The following KLHL18 variants were observed in gnomAD, a reference collection of about 807,000 sequenced individuals.
The protein encoded by KLHL18 is kelch-like protein 18.
In KLHL18, 38 loss-of-function variants were observed where a neutral mutation model predicts 58.5. The ratio of observed to expected loss-of-function variants is 0.65; its 90% CI spans 0.50 to 0.85. The LOEUF is 0.85. Among genes scored for constraint, KLHL18 ranks in the 40% least tolerant of loss-of-function variants. KLHL18 has a pLI of 0.00. For missense variants in KLHL18, 624 were observed against 778.4 expected, an observed-to-expected ratio of 0.80 and a Z score of 2.36; for synonymous variants, 303 against 301.9, an observed-to-expected ratio of 1.00 and a Z score of -0.04.
At chr3:47,283,311 T>C (rs1368186304) in intron 1 of KLHL18, 4 of 585,008 alleles carry the variant, frequency 6.8e-6, no homozygotes, top group Non-Finnish European at 1.2e-5. Flanking sequence ...AAAGGAAAGG[T>C]TGAGAGGTGC....
rs371869161 is a variant in KLHL18 at position 47,329,203 on chromosome 3, G to GT, written c.402-740dup. ...TAAAGAAGCCATCTGTCCGTGTTGT[G>GT]TTTTTTTTGTTGTTGTTTTGTTTGT... On this transcript the variant is annotated intron_variant, in intron 3 of 9. Transcript: ENST00000232766. Among the ~76,000 whole-genome samples the GT allele has an allele frequency of 8.5e-4, 128 of 150,488 alleles. 1 individual carries two copies. Among genetic ancestry groups the GT allele is most frequent in the African/African-American group, 2.8e-3 (116 of 41,232 alleles).
intron 1 of KLHL18, among the ~76,000 whole-genome samples, chr3:47,316,315 T>C (rs1703420641): frequency 2.0e-5 from 3 of 151,642 alleles, no homozygotes; most frequent in South Asian, 4.2e-4. Flanking sequence ...CAAAATAGCA[T>C]TGGATTTCTC....
intron 3 of KLHL18, 36 bp downstream of exon 3, chr3:47,322,744 C>T: frequency 6.7e-7 from 1 of 1,486,520 alleles, no homozygotes; most frequent in South Asian, 1.4e-5. Context: ...GAGAACATGA[C>T]TATTTCATTT....
intron 1 of KLHL18, among the ~76,000 whole-genome samples, chr3:47,312,719 C>T (rs1228073508): frequency 6.6e-6 from 1 of 152,184 alleles, no homozygotes; most frequent in Admixed American, 6.5e-5. Context: ...GTGCTCCCTC[C>T]GCCCCCTGAG....
rs905067190 is a variant in KLHL18 at position 47,344,659 on chromosome 3, A to G, written c.*718A>G. The G allele has an allele frequency of 1.3e-5, 2 of 152,686 alleles. No homozygotes were observed. The highest frequency in any genetic ancestry group is 2.9e-5 in the Non-Finnish European group (2 of 68,048). 9.5% of individuals were successfully genotyped at this position (152,686 alleles called of 1,614,324 possible). On this transcript the variant is annotated 3_prime_UTR_variant, in exon 10 of 10. Coordinates refer to ENST00000232766, the MANE Select transcript of KLHL18 (RefSeq NM_025010.5). ...AAGAAACACTTGAAAGAAACTGGAA[A>G]GAAAAATAATTTTTTTATGTGAACA... is the stretch of plus-strand genomic sequence containing the variant.
chr3:47,332,618 A>G (rs1703891007), intron 4 of KLHL18, among the ~76,000 whole-genome samples: 1 of 151,370 alleles, frequency 6.6e-6, no homozygotes, highest in Non-Finnish European at 1.5e-5. Flanking sequence ...GGCAGCTCAC[A>G]TTTCTTTGAG....
In KLHL18 at chr3:47,333,328, G is replaced by T. The variant is rs1475268416; in HGVS notation, c.761+11G>T. 6.2e-7 allele frequency: 1 copy of T among 1,611,468 alleles called. No homozygotes were observed. The highest frequency in any genetic ancestry group is 8.5e-7 in the Non-Finnish European group (1 of 1,178,504). On this transcript the variant is annotated intron_variant, in intron 5 of 9. Coordinates refer to ENST00000232766, the MANE Select transcript of KLHL18 (RefSeq NM_025010.5). ...CTGCCACAAATGCAGGTGAGTGAGGGTGGACCTGCACAGGACACTGCCAAA... is the reference window on the plus strand; with the variant it reads ...CTGCCACAAATGCAGGTGAGTGAGGTTGGACCTGCACAGGACACTGCCAAA...
intron 1 of KLHL18, among the ~76,000 whole-genome samples, chr3:47,316,677 G>T (rs1703449647): frequency 1.5e-5 from 1 of 68,586 alleles, no homozygotes; most frequent in Non-Finnish European, 2.7e-5. Context: ...ACGTATATAT[G>T]TATATGTGTG....
At chr3:47,298,007 A>T (rs1702931998) in intron 1 of KLHL18, among the ~76,000 whole-genome samples, 2 of 152,122 alleles carry the variant, frequency 1.3e-5, no homozygotes, top group African/African-American at 4.8e-5. Context: ...AAATGAGGGG[A>T]TAAGAATCCA....
At chr3:47,297,486 C>CTG in intron 1 of KLHL18, 1 of 453,224 alleles carries the variant, frequency 2.2e-6, no homozygotes. Context: ...TGGGAATGCA[C>CTG]TGTTACCCTG....
intron 1 of KLHL18, among the ~76,000 whole-genome samples, chr3:47,284,744 AGAAG>A (rs1186955577): frequency 3.3e-5 from 5 of 152,240 alleles, no homozygotes; most frequent in Non-Finnish European, 7.3e-5. Context: ...CTTTGAAAGC[AGAAG>A]GATTTGGATT....
At chr3:47,327,778 A>G (rs368351343) in intron 3 of KLHL18, among the ~76,000 whole-genome samples, 2 of 152,376 alleles carry the variant, frequency 1.3e-5, no homozygotes, top group South Asian at 2.1e-4. Flanking sequence ...TCATAAAGCC[A>G]GGCTCCAAGG....
rs369728864 is a variant in KLHL18 at position 47,336,647 on chromosome 3, T to G, written c.1011T>G (p.Leu337=). The change falls in exon 7 of 10, where the codon CTT becomes CTG. Residue 337 remains leucine, a synonymous_variant. Coordinates refer to ENST00000232766, the MANE Select transcript of KLHL18 (RefSeq NM_025010.5). The stretch of plus-strand genomic sequence containing the variant: ...TTGGCGTGGCTGTGGTGAACGGGCT[T>G]CTCTATGCCATCGGAGGATATGACG... ...SRVGVAVVNG[L]LYAIGGYDGQ... The G allele has an allele frequency of 5.0e-6, 8 of 1,614,086 alleles. No homozygotes were observed. The Admixed American group carries it at 8.3e-5, about 17-fold the overall frequency.
chr3:47,326,961 G>A (rs941949699), intron 3 of KLHL18, among the ~76,000 whole-genome samples: 3 of 151,724 alleles, frequency 2.0e-5, no homozygotes, highest in African/African-American at 4.8e-5. Context: ...TGTTTTGGCC[G>A]GGCGTGGTGG....
rs1363981625 is a variant in KLHL18, at chr3:47,331,308, G to A, written c.600+1159G>A. 3.3e-5 allele frequency among the ~76,000 whole-genome samples: 5 copies of A among 150,706 alleles called. No homozygotes were observed. In the South Asian group the frequency reaches 8.4e-4, roughly 25 times the overall value. On this transcript the variant is annotated intron_variant, in intron 4 of 9. Transcript: ENST00000232766. ...TGCCTGGCTAATTTTTATATTTTTA[G>A]TAGAGATGGGGTTTCACCACGTTGG...
intron 1 of KLHL18, among the ~76,000 whole-genome samples, chr3:47,306,083 C>T (rs887702441): frequency 6.6e-6 from 1 of 151,782 alleles, no homozygotes; most frequent in Non-Finnish European, 1.5e-5. Flanking sequence ...TAATTTCCTT[C>T]CTTCTGCTTG....
rs1559503177 is a variant in KLHL18 at position 47,334,594 on chromosome 3, G to T, written c.762-89G>T. 6.7e-7 allele frequency: 1 copy of T among 1,484,962 alleles called. No individual in the cohort carries two copies. The highest frequency in any genetic ancestry group is 9.3e-7 in the Non-Finnish European group (1 of 1,076,496). 92.0% of individuals were successfully genotyped at this position (1,484,962 alleles called of 1,614,324 possible). ...CTTCTCCTCCCAGGTTTCCCCTGCA[G>T]TTGGCAGTGGAGAGCCAGGCTCAGA... On this transcript the variant is annotated intron_variant, in intron 5 of 9. Transcript: ENST00000232766. The surrounding 1 kb of genome is among the most constrained non-coding windows in gnomAD (Gnocchi z 4.7).
chr3:47,322,739 C>T, intron 3 of KLHL18, 31 bp downstream of exon 3: 1 of 1,501,164 alleles, frequency 6.7e-7, no homozygotes, highest in Non-Finnish European at 8.9e-7. Context: ...TGGTGGAGAA[C>T]ATGACTATTT....
At chr3:47,321,351 GTTTTTTTTTT>G (rs1323588705) in intron 2 of KLHL18, among the ~76,000 whole-genome samples, 7 of 147,338 alleles carry the variant, frequency 4.8e-5, no homozygotes, top group Admixed American at 3.4e-4. Context: ...GTTTTGTTTT[GTTTTTTTTTT>G]TTTGAGATGG....
Sources: allele counts gnomAD v4.1 joint callset (sites outside exome capture counted in the v4.1 genomes callset), GRCh38; gene constraint gnomAD v4.1.1; non-coding constraint Gnocchi (gnomAD v3.1); transcripts MANE v1.5; gene names NCBI Gene and HGNC (gene_info 2026-07-23, HGNC 2026-07-21).